Variants in ADAMTS6 observed in about 807,000 individuals in gnomAD.
The protein encoded by ADAMTS6 is ADAM metallopeptidase with thrombospondin type 1 motif 6.
ADAMTS6 carries 23 observed loss-of-function variants against 144.3 expected under a neutral mutation model. The ratio of observed to expected loss-of-function variants is 0.16; its 90% confidence interval spans 0.11 to 0.23. The LOEUF is 0.23. ADAMTS6 is among the 10% of genes least tolerant of loss of function. ADAMTS6 has a pLI of 1.00. For synonymous variants in ADAMTS6, 444 were observed against 457.5 expected (o/e 0.97, Z 0.38); for missense variants, 999 against 1,379.6 (o/e 0.72, Z 4.37).
chr5:65,194,975 G>T (rs1359485112), intron 21 of ADAMTS6, among the ~76,000 whole-genome samples: 1 of 152,150 alleles, frequency 6.6e-6, no homozygotes, highest in Non-Finnish European at 1.5e-5. Flanking sequence ...TAAGGACACT[G>T]GACATTTAAA....
intron 20 of ADAMTS6, among the ~76,000 whole-genome samples, chr5:65,207,539 A>G (rs1203282871): frequency 6.6e-6 from 1 of 152,236 alleles, no homozygotes; most frequent in Non-Finnish European, 1.5e-5. Context: ...ATTGTATAAT[A>G]TTAAATAAGA....
In ADAMTS6 at chr5:65,151,809, A is replaced by G; in HGVS notation, c.*27T>C. On this transcript the variant is annotated 3_prime_UTR_variant, in exon 25 of 25. Transcript: ENST00000381055. The stretch of plus-strand genomic sequence containing the variant: ...GGATGCATTTCCATGATGAAATGAC[A>G]AGGCACTCTCTCTGGCTTTCTGTGG... 1 of 1,583,338 alleles carries G rather than the reference A, an allele frequency of 6.3e-7. No individual in the cohort carries two copies. Among genetic ancestry groups the G allele is most frequent in the Non-Finnish European group, 8.7e-7 (1 of 1,153,508 alleles).
At chr5:65,329,539 A>G in intron 8 of ADAMTS6, 56 bp from the exon 9 acceptor site, 1 of 1,443,250 alleles carries the variant, frequency 6.9e-7, no homozygotes, top group Non-Finnish European at 9.4e-7. Context: ...AGTCTTTAAA[A>G]GCCTATATTT....
chr5:65,383,833 C>G (rs1484727148), intron 7 of ADAMTS6, among the ~76,000 whole-genome samples: 1 of 152,190 alleles, frequency 6.6e-6, no homozygotes, highest in African/African-American at 2.4e-5. Flanking sequence ...AGCCCCAAGG[C>G]TCTCTGTGGC....
At chr5:65,160,983 C>G (rs542229402) in intron 24 of ADAMTS6, among the ~76,000 whole-genome samples, 1 of 150,192 alleles carries the variant, frequency 6.7e-6, no homozygotes, top group Admixed American at 6.7e-5. Context: ...TCCTACAAAC[C>G]GTAACAGACC....
intron 21 of ADAMTS6, among the ~76,000 whole-genome samples, chr5:65,195,938 A>G (rs997536375): frequency 6.6e-6 from 1 of 152,246 alleles, no homozygotes; most frequent in Non-Finnish European, 1.5e-5. Context: ...TCAACATCAC[A>G]TAATCATCTT....
chr5:65,237,664 T>C (rs1758784647), intron 15 of ADAMTS6, among the ~76,000 whole-genome samples: 1 of 152,086 alleles, frequency 6.6e-6, no homozygotes, highest in African/African-American at 2.4e-5. Flanking sequence ...ATTTACAAAT[T>C]ACAAGAAAAA....
Position 65,230,769 on chromosome 5 carries a change from A to T in ADAMTS6, c.1934-4550T>A. ...TATGTATGAAATATATATATAACAC[A>T]TATGTATGAAATATATATATAACAC... On this transcript the variant is annotated intron_variant, in intron 15 of 24. Transcript: ENST00000381055. Among the ~76,000 whole-genome samples the T allele has an allele frequency of 2.8e-5, 3 of 107,430 alleles. 1 individual carries two copies. The highest frequency in any genetic ancestry group is 5.5e-5 in the Non-Finnish European group (3 of 54,072). The allele number at this position is 107,430 out of a possible 152,430, so 70.5% of individuals were successfully genotyped here.
intron 12 of ADAMTS6, among the ~76,000 whole-genome samples, chr5:65,265,103 A>G (rs1445529338): frequency 6.6e-6 from 1 of 152,138 alleles, no homozygotes; most frequent in Non-Finnish European, 1.5e-5. Context: ...TCTATAAAAA[A>G]TTAGGCAAGA....
rs1747068054 is a variant in ADAMTS6 at position 65,334,093 on chromosome 5, G to T, written c.1074-8C>A. Reference sequence around the variant, plus strand: ...TAAGTGCAGATATCATATCTATGGAGAAAACAGAGATGAAATTTGTAATCT... The same window carrying T: ...TAAGTGCAGATATCATATCTATGGATAAAACAGAGATGAAATTTGTAATCT... On this transcript the variant is annotated splice_polypyrimidine_tract_variant and splice_region_variant and intron_variant, in intron 7 of 24. Transcript: ENST00000381055. 1 of 1,493,712 alleles carries T rather than the reference G, an allele frequency of 6.7e-7. No individual in the cohort carries two copies. The highest frequency in any genetic ancestry group is 1.5e-5 in the African/African-American group (1 of 65,908). 92.5% of individuals were successfully genotyped at this position (1,493,712 alleles called of 1,614,324 possible). A position where few individuals can be genotyped will look rare whatever the true frequency, so the allele number is the denominator to read the frequency against.
intron 7 of ADAMTS6, among the ~76,000 whole-genome samples, chr5:65,432,174 G>A (rs1757048368): frequency 6.6e-6 from 1 of 151,954 alleles, no homozygotes; most frequent in African/African-American, 2.4e-5. Flanking sequence ...ACAAAAGATA[G>A]CTGATTTAGT....
chr5:65,304,199 T>C lies in ADAMTS6; in HGVS notation c.1224-4068A>G, dbSNP rs1024390743. Reference sequence around the variant, plus strand: ...ACTTCTGTAATCTACATTTCAAACATAAGAAATCCCAGAAATGATCTGGCA... The same window carrying C: ...ACTTCTGTAATCTACATTTCAAACACAAGAAATCCCAGAAATGATCTGGCA... On this transcript the variant is annotated intron_variant, in intron 9 of 24. Coordinates refer to ENST00000381055, the MANE Select transcript of ADAMTS6 (RefSeq NM_197941.4). Among the ~76,000 whole-genome samples, 2 of 152,190 alleles carry C rather than the reference T, an allele frequency of 1.3e-5. 1 individual carries two copies. The highest frequency in any genetic ancestry group is 4.1e-4 in the South Asian group (2 of 4,838).
At chr5:65,308,682 A>G (rs1744188494) in intron 9 of ADAMTS6, among the ~76,000 whole-genome samples, 1 of 152,190 alleles carries the variant, frequency 6.6e-6, no homozygotes, top group African/African-American at 2.4e-5. Context: ...ATTACCTTAT[A>G]TAAGAACAGG....
rs141270527 is a variant in ADAMTS6 at position 65,155,752 on chromosome 5, T to C, written c.3245-3807A>G. On this transcript the variant is annotated intron_variant, in intron 24 of 24. Coordinates refer to ENST00000381055, the MANE Select transcript of ADAMTS6 (RefSeq NM_197941.4). ...CTATTTCAGCAATATTCTTAGCATC[T>C]AAACGCAAGAAGTTTCTACCTGTCT... 3.9e-5 allele frequency among the ~76,000 whole-genome samples: 6 copies of C among 152,306 alleles called. No homozygotes were observed. In the East Asian group the frequency reaches 1.2e-3, roughly 29 times the overall value.
At chr5:65,469,411 A>G (rs1760261621) in intron 3 of ADAMTS6, among the ~76,000 whole-genome samples, 1 of 152,242 alleles carries the variant, frequency 6.6e-6, no homozygotes, top group South Asian at 2.1e-4. Flanking sequence ...TTAATGCCAA[A>G]CATAAATAAC....
chr5:65,289,171 G>A (rs1194505558), intron 11 of ADAMTS6, among the ~76,000 whole-genome samples: 3 of 151,528 alleles, frequency 2.0e-5, no homozygotes, highest in Non-Finnish European at 2.9e-5. Context: ...AGATACTAAT[G>A]TCTTTCTCAA....
At chr5:65,375,999 A>T (rs1203152080) in intron 7 of ADAMTS6, among the ~76,000 whole-genome samples, 1 of 152,110 alleles carries the variant, frequency 6.6e-6, no homozygotes, top group African/African-American at 2.4e-5. Flanking sequence ...TTCTCAGTAA[A>T]CTATTGCAAG....
At chr5:65,217,348 C>G (rs1248819592) in intron 18 of ADAMTS6, among the ~76,000 whole-genome samples, 1 of 150,040 alleles carries the variant, frequency 6.7e-6, no homozygotes, top group Non-Finnish European at 1.5e-5. Flanking sequence ...GCTTTAAATT[C>G]TCCTTCAGTT....
chr5:65,315,778 A>G lies in ADAMTS6; in HGVS notation c.1223+13600T>C, dbSNP rs111799994. On this transcript the variant is annotated intron_variant, in intron 9 of 24. Transcript: ENST00000381055. The stretch of plus-strand genomic sequence containing the variant: ...AATGACATTACATAATGCTAAAAGC[A>G]TCAATTCTCTAAGAAGAAGAAAAAA... Among the ~76,000 whole-genome samples the G allele has an allele frequency of 4.2e-3, 639 of 152,326 alleles. 9 individuals are homozygous for G. Among genetic ancestry groups the G allele is most frequent in the African/African-American group, 0.014 (567 of 41,548 alleles).
Sources: allele counts gnomAD v4.1 joint callset (sites outside exome capture counted in the v4.1 genomes callset), GRCh38; gene constraint gnomAD v4.1.1; transcripts MANE v1.5; gene names NCBI Gene and HGNC (gene_info 2026-07-23, HGNC 2026-07-21).